Variants in SNX13 observed in about 807,000 individuals in gnomAD.
SNX13 encodes sorting nexin 13.
A neutral mutation model predicts 133.6 loss-of-function variants in SNX13; 45 were observed. The ratio of observed to expected loss-of-function variants is 0.34; its 90% confidence interval spans 0.27 to 0.43. The LOEUF (loss-of-function observed/expected upper bound fraction) is 0.43, where lower values mean the gene tolerates loss of function less well. Among genes scored for constraint, SNX13 ranks in the 20% least tolerant of loss-of-function variants. SNX13 has a pLI of 1.00. For synonymous variants in SNX13, 414 were observed against 373.9 expected (o/e 1.11, Z -1.24); for missense variants, 1,032 against 1,145.1 (o/e 0.90, Z 1.43).
chr7:17,810,475 T>A (rs1785880410), intron 20 of SNX13, among the ~76,000 whole-genome samples: 1 of 151,820 alleles, frequency 6.6e-6, no homozygotes, highest in Admixed American at 6.6e-5. Context: ...CAGTAATTAA[T>A]AGCCTACCAA....
At chr7:17,801,009 CATATATAT>C (rs71010273) in intron 22 of SNX13, among the ~76,000 whole-genome samples, 135 of 120,064 alleles carry the variant, frequency 1.1e-3, no homozygotes, top group Middle Eastern at 4.1e-3. Flanking sequence ...TAAAACTGAA[CATATATAT>C]ATATATATAT....
At chr7:17,912,825 C>T (rs1012720294) in intron 1 of SNX13, among the ~76,000 whole-genome samples, 1 of 152,176 alleles carries the variant, frequency 6.6e-6, no homozygotes, top group African/African-American at 2.4e-5. Flanking sequence ...AGCACTTGCC[C>T]TGGAGTGGGG....
At chr7:17,854,204 T>C (rs538174428) in intron 9 of SNX13, among the ~76,000 whole-genome samples, 1 of 152,198 alleles carries the variant, frequency 6.6e-6, no homozygotes, top group Non-Finnish European at 1.5e-5. Context: ...ATGTAAAATA[T>C]ATAATGAAAA....
At chr7:17,845,563 C>T (rs1192857572) in intron 12 of SNX13, 32 bp downstream of exon 12, 2 of 1,332,852 alleles carry the variant, frequency 1.5e-6, no homozygotes, top group African/African-American at 1.5e-5. Context: ...AATTCAATGG[C>T]TGTATCATTT....
chr7:17,850,239 A>C (rs1384822612), intron 11 of SNX13, 108 bp downstream of exon 11: 2 of 484,362 alleles, frequency 4.1e-6, no homozygotes, highest in Non-Finnish European at 6.7e-6. Flanking sequence ...GTCCTCTTGT[A>C]AAGTGCTGCA....
chr7:17,847,162 C>T (rs1417931695), intron 11 of SNX13, among the ~76,000 whole-genome samples: 3 of 151,926 alleles, frequency 2.0e-5, no homozygotes, highest in East Asian at 1.9e-4. Flanking sequence ...CAAGTGAAAC[C>T]GTATCTTTCT....
intron 1 of SNX13, among the ~76,000 whole-genome samples, chr7:17,925,741 C>T (rs1800672523): frequency 6.6e-6 from 1 of 151,464 alleles, no homozygotes. Context: ...TCCTACAATG[C>T]ACAGGACAAT....
chr7:17,940,133 A>C, intron 1 of SNX13, 151 bp downstream of exon 1: 1 of 1,009,916 alleles, frequency 9.9e-7, no homozygotes, highest in Non-Finnish European at 1.5e-6. Context: ...TCCTACTCTG[A>C]GGGCACTTGT....
At position 17,890,414 on chromosome 7, in the gene SNX13, A is replaced by G; in HGVS notation, c.389T>C (p.Leu130Pro). Residue 130 changes from leucine to proline, a missense_variant, in exon 5 of 26, where the codon CTT becomes CCT. Coordinates refer to ENST00000428135, the MANE Select transcript of SNX13 (RefSeq NM_015132.5). ...YYTLSDDESF[L>P]LEIRQTLQNA... ...TTGAAGAGTCTGCCTAATTTCAAGAAGAAAAGATTCATCATCGCTTAGTGT... is the reference window on the plus strand; with the variant it reads ...TTGAAGAGTCTGCCTAATTTCAAGAGGAAAAGATTCATCATCGCTTAGTGT... 6.2e-7 allele frequency: 1 copy of G among 1,611,362 alleles called. No homozygotes were observed. The highest frequency in any genetic ancestry group is 8.5e-7 in the Non-Finnish European group (1 of 1,178,266).
chr7:17,795,341 GTCTT>G (rs1783931147), intron 25 of SNX13: 1 of 151,526 alleles, frequency 6.6e-6, no homozygotes, highest in African/African-American at 2.4e-5. Flanking sequence ...TTTCCAAAAA[GTCTT>G]TATCTAACTA....
At chr7:17,827,724 C>G in intron 16 of SNX13, among the ~76,000 whole-genome samples, 1 of 151,834 alleles carries the variant, frequency 6.6e-6, no homozygotes. Context: ...GGGGCTAATA[C>G]CTGCTCTACA....
intron 20 of SNX13, among the ~76,000 whole-genome samples, chr7:17,808,763 G>A (rs1785626243): frequency 6.6e-6 from 1 of 152,140 alleles, no homozygotes; most frequent in Non-Finnish European, 1.5e-5. Context: ...TCTCTTGGCA[G>A]AATCCCTACA....
rs138118990 is a variant in SNX13 at position 17,904,325 on chromosome 7, A to G, written c.13-6879T>C. Reference sequence around the variant, plus strand: ...CACCATGAAGGGGCTGAGTTGTGACATCATCTCTCAAGTCTAGTTGTAGCA... The same window carrying G: ...CACCATGAAGGGGCTGAGTTGTGACGTCATCTCTCAAGTCTAGTTGTAGCA... On this transcript the variant is annotated intron_variant, in intron 1 of 25. Transcript: ENST00000428135. Among the ~76,000 whole-genome samples, 623 of 152,326 alleles carry G rather than the reference A, an allele frequency of 4.1e-3. 3 individuals carry two copies. The highest frequency in any genetic ancestry group is 0.014 in the African/African-American group (584 of 41,580).
At chr7:17,812,486 C>T (rs1396447676) in intron 20 of SNX13, among the ~76,000 whole-genome samples, 1 of 152,272 alleles carries the variant, frequency 6.6e-6, no homozygotes. Context: ...ATTAAAAAGT[C>T]AGGAAACAAC....
chr7:17,839,730 C>T, intron 13 of SNX13, 77 bp downstream of exon 13: 1 of 1,191,822 alleles, frequency 8.4e-7, no homozygotes, highest in Non-Finnish European at 1.2e-6. Context: ...GGTAGTCAGC[C>T]TGGCATAAGC....
At chr7:17,938,932 CAA>C (rs1802433272) in intron 1 of SNX13, among the ~76,000 whole-genome samples, 2 of 152,274 alleles carry the variant, frequency 1.3e-5, no homozygotes, top group South Asian at 4.1e-4. Context: ...AATCACAACA[CAA>C]ACTTATGCTA....
At chr7:17,879,041 A>G (rs578118552) in intron 5 of SNX13, among the ~76,000 whole-genome samples, 22 of 151,942 alleles carry the variant, frequency 1.4e-4, no homozygotes, top group African/African-American at 5.1e-4. Context: ...CACCCTCTCC[A>G]CTATTCCTTC....
chr7:17,887,940 G>A (rs1333319880), intron 5 of SNX13, among the ~76,000 whole-genome samples: 1 of 151,984 alleles, frequency 6.6e-6, no homozygotes, highest in African/African-American at 2.4e-5. Flanking sequence ...GAATAGAGGT[G>A]ATAGTTTTTG....
chr7:17,888,775 T>C, intron 5 of SNX13: 1 of 470,012 alleles, frequency 2.1e-6, no homozygotes, highest in Non-Finnish European at 4.4e-6. Flanking sequence ...TGAATTTTGA[T>C]CCTGACAATT....
Sources: gnomAD v4.1 joint callset for allele counts (sites outside exome capture counted in the v4.1 genomes callset) on GRCh38, gnomAD v4.1.1 for gene constraint, MANE v1.5 for transcripts, NCBI Gene and HGNC (gene_info 2026-07-23, HGNC 2026-07-21) for gene names.